RCOR2: variants seen among roughly 807,000 people sequenced by gnomAD.
RCOR2 encodes the protein REST corepressor 2.
In RCOR2, 19 loss-of-function variants were observed where a neutral mutation model predicts 58.9. The ratio of observed to expected loss-of-function variants is 0.32; its 90% confidence interval spans 0.23 to 0.47. RCOR2 has a LOEUF of 0.47. Among genes scored for constraint, RCOR2 ranks in the 20% least tolerant of loss-of-function variants. RCOR2 has a pLI of 1.00. For synonymous variants in RCOR2, 286 were observed against 278.7 expected, an observed-to-expected ratio of 1.03 and a Z score of -0.26; for missense variants, 590 against 707.9, an observed-to-expected ratio of 0.83 and a Z score of 1.89.
At chr11:63,915,349 G>T in intron 2 of RCOR2, 91 bp from the exon 3 acceptor site, 1 of 1,280,162 alleles carries the variant, frequency 7.8e-7, no homozygotes, top group Non-Finnish European at 1.1e-6. Context: ...GAGGAGTGGA[G>T]CCAGGGAGGT....
upstream of RCOR2, among the ~76,000 whole-genome samples, chr11:63,919,528 T>G (rs1941902277): frequency 2.0e-5 from 3 of 151,774 alleles, no homozygotes; most frequent in Admixed American, 2.0e-4. Context: ...TGTCCCCAGG[T>G]CAGAAATCGT....
At chr11:63,912,588 C>T in intron 10 of RCOR2, 54 bp from the exon 11 acceptor site, 1 of 1,590,696 alleles carries the variant, frequency 6.3e-7, no homozygotes, top group Non-Finnish European at 8.6e-7. Flanking sequence ...TAGTTACTTC[C>T]CTGACCCTTC....
chr11:63,919,422 C>A (rs1393556156), upstream of RCOR2, among the ~76,000 whole-genome samples: 1 of 152,210 alleles, frequency 6.6e-6, no homozygotes, highest in Admixed American at 6.5e-5. Context: ...GACAGCACCC[C>A]CTCCCTGCCG....
At chr11:63,913,350 C>A (rs973961806) in intron 8 of RCOR2, among the ~76,000 whole-genome samples, 6 of 150,914 alleles carry the variant, frequency 4.0e-5, no homozygotes, top group African/African-American at 1.5e-4. Context: ...CCACACCTGG[C>A]TAATTTTGTA....
rs1035450885 is a variant in RCOR2, at chr11:63,917,154, G to C, written c.-698C>G. On this transcript the variant is annotated 5_prime_UTR_variant, in exon 1 of 12. Transcript: ENST00000301459. ...CGCTCTCCGCCGCCGCTCGCTCCTC[G>C]CGCACACAATGAAGCTGCTGGCAGG... Among the ~76,000 whole-genome samples the C allele has an allele frequency of 1.3e-5, 2 of 151,848 alleles. No homozygotes were observed. Among genetic ancestry groups the C allele is most frequent in the African/African-American group, 4.8e-5 (2 of 41,396 alleles).
chr11:63,914,174 C>T lies in RCOR2; in HGVS notation c.676-5G>A. The T allele has an allele frequency of 6.2e-7, 1 of 1,613,582 alleles. No individual in the cohort carries two copies. Among genetic ancestry groups the T allele is most frequent in the Non-Finnish European group, 8.5e-7 (1 of 1,179,912 alleles). On this transcript the variant is annotated splice_polypyrimidine_tract_variant and splice_region_variant and intron_variant, in intron 7 of 11. Transcript: ENST00000301459. ...CAGGGGCCGAGAGGGTAGAGGCTGCCAGTGAAAGGAGAGGCAGGTAGGTGG... is the reference window on the plus strand; with the variant it reads ...CAGGGGCCGAGAGGGTAGAGGCTGCTAGTGAAAGGAGAGGCAGGTAGGTGG...
Position 63,914,637 on chromosome 11 carries a change from G to A in RCOR2, c.480+18C>T. 1 of 1,603,872 alleles carries A rather than the reference G, an allele frequency of 6.2e-7. No homozygotes were observed. The highest frequency in any genetic ancestry group is 8.5e-7 in the Non-Finnish European group (1 of 1,174,432). ...AGGGGCAGAGGAGCGCCGGGGAGTGGGGGTGGAAGGGCTTTACCATCTGCT... is the reference window on the plus strand; with the variant it reads ...AGGGGCAGAGGAGCGCCGGGGAGTGAGGGTGGAAGGGCTTTACCATCTGCT... On this transcript the variant is annotated intron_variant, in intron 5 of 11. Transcript: ENST00000301459.
chr11:63,912,018 G>T lies in RCOR2; in HGVS notation c.1419C>A (p.Gly473=). The T allele has an allele frequency of 6.8e-7, 1 of 1,460,874 alleles. No individual in the cohort carries two copies. 90.5% of individuals were successfully genotyped at this position (1,460,874 alleles called of 1,614,324 possible). Residue 473 remains glycine, a synonymous_variant, in exon 12 of 12, where the codon GGC becomes GGA. Transcript: ENST00000301459. ...LLRQPPPLQQ[G]RFLQPRLAPN... ...GGGCCAGCCGGGGCTGGAGGAAGCG[G>T]CCCTGCTGCAGTGGGGGTGGCTGTC... is the stretch of plus-strand genomic sequence containing the variant.
chr11:63,927,238 T>A, the RCOR2 span, among the ~76,000 whole-genome samples: 1 of 152,048 alleles, frequency 6.6e-6, no homozygotes, highest in African/African-American at 2.4e-5. Context: ...CTTATCACGA[T>A]CTAATGGAAC....
the RCOR2 span, among the ~76,000 whole-genome samples, chr11:63,923,259 CT>C: frequency 5.3e-5 from 8 of 151,990 alleles, no homozygotes; most frequent in Admixed American, 3.9e-4. Flanking sequence ...GTCTTCCCCC[CT>C]CATCACATGA....
upstream of RCOR2, among the ~76,000 whole-genome samples, chr11:63,918,337 G>A (rs570710639): frequency 1.4e-4 from 22 of 152,308 alleles, no homozygotes; most frequent in Non-Finnish European, 2.9e-4. Context: ...GGGGTGTTGC[G>A]GTCGGGCCAC....
chr11:63,917,991 C>T (rs1290074804), upstream of RCOR2, among the ~76,000 whole-genome samples: 1 of 152,144 alleles, frequency 6.6e-6, no homozygotes, highest in Non-Finnish European at 1.5e-5. Context: ...CAGACCCAGC[C>T]ACCCTGCCAG....
Position 63,911,646 on chromosome 11 carries a change from G to A in RCOR2, c.*219C>T, listed in dbSNP as rs1167134360. ...AGGAAGCGAAAGTGCCCTCAGGCCA[G>A]CTCAAAGGCCCCTGAGCCCGGCCAT... is the stretch of plus-strand genomic sequence containing the variant. On this transcript the variant is annotated 3_prime_UTR_variant, in exon 12 of 12. Coordinates refer to ENST00000301459, the MANE Select transcript of RCOR2 (RefSeq NM_173587.4). 7.6e-6 allele frequency: 5 copies of A among 656,904 alleles called. No individual in the cohort carries two copies. The highest frequency in any genetic ancestry group is 1.1e-5 in the Non-Finnish European group (5 of 435,666). 40.7% of individuals were successfully genotyped at this position (656,904 alleles called of 1,614,324 possible).
At position 63,912,397 on chromosome 11, in the gene RCOR2, C is replaced by G; in HGVS notation, c.1165G>C (p.Glu389Gln). The change falls in exon 11 of 12, where the codon GAG becomes CAG. Residue 389 changes from glutamate (E) to glutamine (Q), a missense_variant. Transcript: ENST00000301459. ...GGGGCTCCAGGGGCCCCATCCTGCT[C>G]AGCCTCCCATTCCTGCAGCACCTCC... ...LEEVLQEWEA[E>Q]QDGAPGAPVP... The G allele has an allele frequency of 6.2e-7, 1 of 1,613,870 alleles. No individual in the cohort carries two copies.
Position 63,916,620 on chromosome 11 carries a change from C to T in RCOR2, c.-164G>A. ...TAGGGTCCGGCGGGGTGGGAGCCCA[C>T]CTGGTAGCCCCAGCGCTCTCCACGA... On this transcript the variant is annotated 5_prime_UTR_variant, in exon 1 of 12. It adds an upstream start codon to the 5' untranslated region. Coordinates refer to ENST00000301459, the MANE Select transcript of RCOR2 (RefSeq NM_173587.4). 8.2e-7 allele frequency: 1 copy of T among 1,219,088 alleles called. No individual in the cohort carries two copies. The highest frequency in any genetic ancestry group is 1.1e-6 in the Non-Finnish European group (1 of 905,812). The allele number at this position is 1,219,088 out of a possible 1,614,324, so 75.5% of individuals were successfully genotyped here.
chr11:63,912,757 C>T, intron 9 of RCOR2, 24 bp from the exon 10 acceptor site: 1 of 1,613,534 alleles, frequency 6.2e-7, no homozygotes, highest in Non-Finnish European at 8.5e-7. Context: ...AACAACATAT[C>T]CTTTAGACTC....
At chr11:63,917,551 C>G (rs1466481104), upstream of RCOR2, among the ~76,000 whole-genome samples, 2 of 152,164 alleles carry the variant, frequency 1.3e-5, no homozygotes, top group Non-Finnish European at 1.5e-5. Context: ...CTTCCATTTC[C>G]CTTCCTGCCA....
intron 1 of RCOR2, 86 bp downstream of exon 1, chr11:63,916,244 G>A: frequency 8.2e-7 from 1 of 1,215,510 alleles, no homozygotes; most frequent in African/African-American, 1.5e-5. Context: ...AGTGTAACAG[G>A]CTCGTGGTCT....
the RCOR2 span, among the ~76,000 whole-genome samples, chr11:63,926,846 C>T: frequency 2.0e-4 from 29 of 147,346 alleles, no homozygotes; most frequent in Non-Finnish European, 3.7e-4. Context: ...TATTTTGAGA[C>T]AGTCTCACTC....
Sources: gnomAD v4.1 joint callset for allele counts (sites outside exome capture counted in the v4.1 genomes callset) on GRCh38, gnomAD v4.1.1 for gene constraint, MANE v1.5 for transcripts, NCBI Gene and HGNC (gene_info 2026-07-23, HGNC 2026-07-21) for gene names.